The following CACNA1E variants were observed in gnomAD, a reference collection of about 807,000 sequenced individuals.
The protein encoded by CACNA1E is voltage-dependent R-type calcium channel subunit alpha-1E.
In CACNA1E, 40 loss-of-function variants were observed where a neutral mutation model predicts 259.2. The observed-to-expected ratio is 0.15, with a 90% CI of 0.12 to 0.20. The LOEUF is 0.20. Ranked by LOEUF, CACNA1E falls within the 10% of genes least tolerant of loss-of-function variation. CACNA1E has a pLI of 1.00. For synonymous variants in CACNA1E, 1,104 were observed against 1,138.5 expected (o/e 0.97, Z 0.61); for missense variants, 1,874 against 3,040.1 (o/e 0.62, Z 9.02).
chr1:181,558,156 G>A (rs1283101067), intron 3 of CACNA1E, among the ~76,000 whole-genome samples: 1 of 152,230 alleles, frequency 6.6e-6, no homozygotes, highest in Non-Finnish European at 1.5e-5. Flanking sequence ...GCTACACTAA[G>A]AGAGGGTTAC....
At chr1:181,421,596 T>C (rs1658750150) in intron 2 of CACNA1E, among the ~76,000 whole-genome samples, 1 of 152,254 alleles carries the variant, frequency 6.6e-6, no homozygotes, top group African/African-American at 2.4e-5. Flanking sequence ...GATCCTCTTC[T>C]GATCCTGTCT....
intron 1 of CACNA1E, among the ~76,000 whole-genome samples, chr1:181,374,234 T>C (rs962521468): frequency 2.0e-5 from 3 of 152,236 alleles, no homozygotes; most frequent in Non-Finnish European, 4.4e-5. Flanking sequence ...ATAATTTTTT[T>C]ATTTCTGCCT....
chr1:181,751,943 G>A (rs769452838), intron 26 of CACNA1E, 200 bp from the exon 27 acceptor site: 1 of 688,536 alleles, frequency 1.5e-6, no homozygotes, highest in Non-Finnish European at 2.7e-6. Context: ...GTGCACACTG[G>A]GAAGTGATTT....
upstream of CACNA1E, among the ~76,000 whole-genome samples, chr1:181,478,735 ATC>A (rs1663033890): frequency 1.3e-5 from 2 of 152,302 alleles, no homozygotes; most frequent in South Asian, 4.1e-4. Context: ...TGGGTGAAAA[ATC>A]TCTTATGAAG....
chr1:181,663,622 C>A (rs114887157), intron 7 of CACNA1E, among the ~76,000 whole-genome samples: 1,686 of 152,272 alleles, frequency 0.011, 32 homozygotes, highest in African/African-American at 0.038. Context: ...TTGCAGAGAA[C>A]TGAGGAAGAG....
intron 3 of CACNA1E, among the ~76,000 whole-genome samples, chr1:181,573,122 CT>C (rs1650585152): frequency 6.6e-6 from 1 of 152,044 alleles, no homozygotes; most frequent in Non-Finnish European, 1.5e-5. Flanking sequence ...TTTTTCTGAG[CT>C]TTGGCTTGCT....
intron 6 of CACNA1E, among the ~76,000 whole-genome samples, chr1:181,615,973 CT>C (rs567029032): frequency 6.6e-6 from 1 of 151,976 alleles, no homozygotes; most frequent in Non-Finnish European, 1.5e-5. Context: ...AATTTTTTTT[CT>C]GCAGCTATTG....
At chr1:181,540,573 ACT>A (rs1007885434) in intron 3 of CACNA1E, among the ~76,000 whole-genome samples, 4 of 151,810 alleles carry the variant, frequency 2.6e-5, no homozygotes, top group Non-Finnish European at 5.9e-5. Flanking sequence ...TGCAGGAAAG[ACT>A]CTCTGGTCTT....
chr1:181,790,656 T>TCTAGTAGTTTA, intron 44 of CACNA1E, 100 bp downstream of exon 44: 1 of 808,428 alleles, frequency 1.2e-6, no homozygotes, highest in Non-Finnish European at 2.1e-6. Context: ...GAAAATCCAT[T>TCTAGTAGTTTA]CTAGTAGTTT....
intron 7 of CACNA1E, among the ~76,000 whole-genome samples, chr1:181,700,906 C>A (rs3766990): frequency 1.3e-5 from 2 of 152,168 alleles, no homozygotes; most frequent in East Asian, 3.9e-4. Flanking sequence ...GCTCCCCCTG[C>A]TCCATTTTCC....
At chr1:181,328,556 C>A (rs950567355) in intron 1 of CACNA1E, among the ~76,000 whole-genome samples, 2 of 151,978 alleles carry the variant, frequency 1.3e-5, no homozygotes, top group Non-Finnish European at 2.9e-5. Flanking sequence ...CTACCCAAGG[C>A]GTGGATATAG....
chr1:181,401,297 G>A (rs1490976669), intron 1 of CACNA1E, among the ~76,000 whole-genome samples: 2 of 152,118 alleles, frequency 1.3e-5, no homozygotes, highest in Non-Finnish European at 2.9e-5. Flanking sequence ...ATGATGCACA[G>A]TTCTTAGCTT....
intron 6 of CACNA1E, among the ~76,000 whole-genome samples, chr1:181,582,299 G>A (rs3908957): frequency 0.45 from 68,776 of 152,122 alleles, 16,402 homozygotes; most frequent in East Asian, 0.66. Flanking sequence ...AGCTGTGGGA[G>A]GCAGCAGGAA....
intron 3 of CACNA1E, among the ~76,000 whole-genome samples, chr1:181,552,120 A>G (rs1212731371): frequency 2.0e-5 from 3 of 152,194 alleles, no homozygotes; most frequent in Non-Finnish European, 2.9e-5. Flanking sequence ...CTCTTAAAAT[A>G]TAACACCCAG....
At position 181,514,298 on chromosome 1, in the gene CACNA1E, G is replaced by T. The variant is rs569260422; in HGVS notation, c.512+2788G>T. Among the ~76,000 whole-genome samples the T allele has an allele frequency of 3.3e-5, 5 of 152,244 alleles. No homozygotes were observed. The East Asian group carries it at 9.6e-4, about 29-fold the overall frequency. On this transcript the variant is annotated intron_variant, in intron 3 of 47. Transcript: ENST00000367573. ...TTTCTTAGTGCTACATAAAATTACG[G>T]GGCATCTTACAATTGTTGGGGTTGT...
chr1:181,561,863 G>T (rs143226310), intron 3 of CACNA1E, among the ~76,000 whole-genome samples: 3 of 152,304 alleles, frequency 2.0e-5, no homozygotes, highest in Non-Finnish European at 4.4e-5. Flanking sequence ...GAGAGTTACA[G>T]TTGCTCCACG....
At chr1:181,476,605 T>C (rs1399367560) in intron 2 of CACNA1E, among the ~76,000 whole-genome samples, 1 of 152,236 alleles carries the variant, frequency 6.6e-6, no homozygotes, top group Non-Finnish European at 1.5e-5. Flanking sequence ...CACTGCCTCC[T>C]TTGGGCTAGC....
At chr1:181,687,769 A>T (rs1013558139) in intron 7 of CACNA1E, among the ~76,000 whole-genome samples, 18 of 151,804 alleles carry the variant, frequency 1.2e-4, no homozygotes, top group Non-Finnish European at 2.9e-5. Context: ...TATATATTTT[A>T]TTTTTTTTCC....
At chr1:181,718,643 CACACACACACACACACACACACA>C (rs1654140064) in intron 12 of CACNA1E, among the ~76,000 whole-genome samples, 1 of 151,488 alleles carries the variant, frequency 6.6e-6, no homozygotes, top group Admixed American at 6.6e-5. Flanking sequence ...CACACACACA[CACACACACACACACACACACACA>C]CCCTTATATT....
Sources: allele counts gnomAD v4.1 joint callset (sites outside exome capture counted in the v4.1 genomes callset), GRCh38; gene constraint gnomAD v4.1.1; transcripts MANE v1.5; gene names NCBI Gene and HGNC (gene_info 2026-07-23, HGNC 2026-07-21).